EIF4G3: variants seen among roughly 807,000 people sequenced by gnomAD.
The protein encoded by EIF4G3 is eIF-4-gamma 3.
EIF4G3 carries 34 observed loss-of-function variants against 186.4 expected under a neutral mutation model. The ratio of observed to expected loss-of-function variants is 0.18; its 90% CI spans 0.14 to 0.24. The LOEUF is 0.24. EIF4G3 is among the 10% of genes least tolerant of loss of function. The pLI, the probability that EIF4G3 is intolerant of heterozygous loss-of-function variation, is 1.00. For synonymous variants in EIF4G3, 673 were observed against 679.5 expected, an observed-to-expected ratio of 0.99 and a Z score of 0.15; for missense variants, 1,536 against 1,948.5, an observed-to-expected ratio of 0.79 and a Z score of 3.99.
chr1:20,823,381 T>C (rs771853122), intron 33 of EIF4G3, among the ~76,000 whole-genome samples: 57 of 152,078 alleles, frequency 3.7e-4, no homozygotes, highest in Non-Finnish European at 7.6e-4. Flanking sequence ...CTTTTGTTTA[T>C]TTATTTTATT....
chr1:21,097,094 T>G (rs2096392439), intron 2 of EIF4G3, among the ~76,000 whole-genome samples: 1 of 152,170 alleles, frequency 6.6e-6, no homozygotes, highest in East Asian at 1.9e-4. Flanking sequence ...AATAAATAGA[T>G]AAAAGAACCA....
chr1:20,892,540 A>G (rs1033157726), intron 18 of EIF4G3: 5 of 1,054,102 alleles, frequency 4.7e-6, no homozygotes, highest in African/African-American at 3.1e-5. Flanking sequence ...TTAACAATCA[A>G]TAGTAAATAA....
intron 10 of EIF4G3, among the ~76,000 whole-genome samples, chr1:20,974,177 T>C (rs1224947989): frequency 2.0e-5 from 3 of 152,166 alleles, no homozygotes; most frequent in Non-Finnish European, 4.4e-5. Context: ...AGTTAGAAAG[T>C]GACACAAATC....
chr1:21,005,886 AT>A (rs1467991817), intron 4 of EIF4G3, among the ~76,000 whole-genome samples: 1 of 152,234 alleles, frequency 6.6e-6, no homozygotes, highest in African/African-American at 2.4e-5. Flanking sequence ...TTATATTTAC[AT>A]TGCACATATG....
chr1:21,172,679 G>A (rs2098005804), intron 2 of EIF4G3, among the ~76,000 whole-genome samples: 1 of 152,030 alleles, frequency 6.6e-6, no homozygotes, highest in Admixed American at 6.6e-5. Context: ...CTACCAAGTA[G>A]CTGGGACTAC....
chr1:21,094,475 CATGG>C (rs2096297205), intron 2 of EIF4G3, among the ~76,000 whole-genome samples: 1 of 151,836 alleles, frequency 6.6e-6, no homozygotes, highest in Non-Finnish European at 1.5e-5. Context: ...TTTGTAGGGA[CATGG>C]ATGAAGACGG....
At chr1:20,825,219 A>G in intron 32 of EIF4G3, 21 bp from the exon 33 acceptor site, 1 of 1,350,924 alleles carries the variant, frequency 7.4e-7, no homozygotes, top group Non-Finnish European at 1.0e-6. Flanking sequence ...GATAAATCCA[A>G]TCCATTTACT....
intron 2 of EIF4G3, among the ~76,000 whole-genome samples, chr1:21,118,451 CCAAA>C (rs2096866880): frequency 6.6e-6 from 1 of 152,104 alleles, no homozygotes; most frequent in Non-Finnish European, 1.5e-5. Flanking sequence ...CTTTCAGGTT[CCAAA>C]CAAAGAAAAG....
At chr1:20,951,755 G>GA (rs1393129687) in intron 12 of EIF4G3, among the ~76,000 whole-genome samples, 2 of 151,594 alleles carry the variant, frequency 1.3e-5, no homozygotes, top group Admixed American at 6.6e-5. Flanking sequence ...AATAAAAAGG[G>GA]GGGGGCAGGG....
chr1:21,134,766 C>G (rs569519715), intron 2 of EIF4G3, among the ~76,000 whole-genome samples: 51 of 152,236 alleles, frequency 3.4e-4, no homozygotes, highest in Non-Finnish European at 6.5e-4. Flanking sequence ...AGCAAGTGAT[C>G]AAGGAGGGTA....
chr1:20,808,521 C>T (rs1021428461), intron 36 of EIF4G3, among the ~76,000 whole-genome samples: 1 of 151,728 alleles, frequency 6.6e-6, no homozygotes, highest in African/African-American at 2.4e-5. Flanking sequence ...CTCTACTAAA[C>T]ATACAAAAAA....
chr1:21,012,476 A>G (rs1386390075), intron 4 of EIF4G3, among the ~76,000 whole-genome samples: 1 of 152,204 alleles, frequency 6.6e-6, no homozygotes, highest in Non-Finnish European at 1.5e-5. Flanking sequence ...TGCTTCAAAA[A>G]CACAGGACAT....
intron 3 of EIF4G3, chr1:21,073,660 C>A (rs888260165): frequency 3.8e-6 from 2 of 520,846 alleles, no homozygotes; most frequent in South Asian, 1.4e-5. Context: ...GCTTTCCCAA[C>A]CTTCTTGGTA....
At chr1:21,156,291 C>A (rs2097660213) in intron 2 of EIF4G3, among the ~76,000 whole-genome samples, 2 of 152,178 alleles carry the variant, frequency 1.3e-5, no homozygotes, top group Non-Finnish European at 2.9e-5. Context: ...TTCCTCTCAG[C>A]AGCTTCTTTC....
chr1:21,156,867 G>A (rs2097670785), intron 2 of EIF4G3, among the ~76,000 whole-genome samples: 1 of 152,052 alleles, frequency 6.6e-6, no homozygotes, highest in African/African-American at 2.4e-5. Context: ...TTGAGCCCAG[G>A]AGTTCAAGAC....
At chr1:20,831,686 C>A (rs1269031864) in intron 30 of EIF4G3, among the ~76,000 whole-genome samples, 1 of 151,098 alleles carries the variant, frequency 6.6e-6, no homozygotes, top group African/African-American at 2.4e-5. Context: ...TATACATGAG[C>A]CATGCTGGTG....
chr1:20,934,536 T>C (rs896180208), intron 14 of EIF4G3, among the ~76,000 whole-genome samples: 2 of 152,102 alleles, frequency 1.3e-5, no homozygotes, highest in African/African-American at 4.8e-5. Context: ...GTCCTCAATG[T>C]TCTCAATAAA....
At chr1:20,834,268 G>A (rs1035434939) in intron 30 of EIF4G3, among the ~76,000 whole-genome samples, 1 of 152,022 alleles carries the variant, frequency 6.6e-6, no homozygotes, top group Non-Finnish European at 1.5e-5. Context: ...GGGCATTGTA[G>A]GGAGAATCTG....
intron 20 of EIF4G3, among the ~76,000 whole-genome samples, chr1:20,877,215 G>A (rs1171999062): frequency 6.6e-6 from 1 of 152,114 alleles, no homozygotes; most frequent in Non-Finnish European, 1.5e-5. Context: ...AGAGGATCTG[G>A]GATCTAGTCC....
Sources: gnomAD v4.1 joint callset for allele counts (sites outside exome capture counted in the v4.1 genomes callset) on GRCh38, gnomAD v4.1.1 for gene constraint, MANE v1.5 for transcripts, NCBI Gene and HGNC (gene_info 2026-07-23, HGNC 2026-07-21) for gene names.